Variants in CORO1C observed in about 807,000 individuals in gnomAD.
CORO1C encodes the protein coronin-1C.
In CORO1C, 14 loss-of-function variants were observed where a neutral mutation model predicts 51.2. The ratio of observed to expected loss-of-function variants is 0.27; its 90% CI spans 0.18 to 0.43. The LOEUF is 0.43. Ranked by LOEUF, CORO1C falls within the 20% of genes least tolerant of loss-of-function variation. The pLI, the probability that CORO1C is intolerant of heterozygous loss-of-function variation, is 1.00. For synonymous variants in CORO1C, 181 were observed against 210.5 expected (o/e 0.86, Z 1.21); for missense variants, 417 against 607.8 (o/e 0.69, Z 3.30).
chr12:108,684,810 A>C (rs2034242044), intron 2 of CORO1C, among the ~76,000 whole-genome samples: 1 of 152,192 alleles, frequency 6.6e-6, no homozygotes, highest in Admixed American at 6.5e-5. Context: ...TTTTGAAAAA[A>C]AGAATTTAAA....
chr12:108,697,252 A>G (rs890180237), intron 2 of CORO1C, among the ~76,000 whole-genome samples: 4 of 152,312 alleles, frequency 2.6e-5, no homozygotes, highest in African/African-American at 4.8e-5. Flanking sequence ...CAACGTGTAC[A>G]TATTCAGTAT....
At chr12:108,702,887 T>C (rs1436873533) in intron 1 of CORO1C, 1 of 1,535,960 alleles carries the variant, frequency 6.5e-7, no homozygotes. Context: ...CAATTGAGCA[T>C]CCACGTTCCT....
intron 3 of CORO1C, among the ~76,000 whole-genome samples, chr12:108,667,655 G>A (rs146151542): frequency 2.0e-5 from 3 of 152,244 alleles, no homozygotes; most frequent in Admixed American, 6.5e-5. Context: ...AGTGAGGCTC[G>A]GCGTTCAAGG....
chr12:108,652,516 C>T, intron 7 of CORO1C, 99 bp from the exon 8 acceptor site: 1 of 909,002 alleles, frequency 1.1e-6, no homozygotes, highest in South Asian at 1.6e-5. Context: ...GTAGTTGGGA[C>T]CCCGCTTCAG....
At chr12:108,723,829 A>G (rs1191306034) in intron 1 of CORO1C, among the ~76,000 whole-genome samples, 1 of 152,252 alleles carries the variant, frequency 6.6e-6, no homozygotes, top group East Asian at 1.9e-4. Flanking sequence ...TTTCAAATAC[A>G]GACGGCCTAC....
chr12:108,697,213 T>C (rs1442907177), intron 2 of CORO1C, among the ~76,000 whole-genome samples: 2 of 152,222 alleles, frequency 1.3e-5, no homozygotes, highest in East Asian at 1.9e-4. Flanking sequence ...TGGGAGCCTT[T>C]CTGAAAGGGT....
chr12:108,684,508 A>G (rs973226764), intron 2 of CORO1C, among the ~76,000 whole-genome samples: 2 of 152,228 alleles, frequency 1.3e-5, no homozygotes, highest in African/African-American at 4.8e-5. Context: ...CAAAAGCAGA[A>G]GCAATTTCAC....
chr12:108,695,071 A>T (rs1403571551), intron 2 of CORO1C, among the ~76,000 whole-genome samples: 1 of 152,200 alleles, frequency 6.6e-6, no homozygotes, highest in African/African-American at 2.4e-5. Context: ...TTTTCACGAG[A>T]TAGTGTCAGC....
intron 2 of CORO1C, among the ~76,000 whole-genome samples, chr12:108,679,100 ACT>A (rs1415081918): frequency 1.5e-5 from 2 of 133,220 alleles, no homozygotes; most frequent in South Asian, 2.5e-4. Context: ...ACAGAGAGAG[ACT>A]CTGTCTCAAA....
intron 2 of CORO1C, among the ~76,000 whole-genome samples, chr12:108,682,736 A>C (rs898210562): frequency 6.6e-6 from 1 of 152,208 alleles, no homozygotes; most frequent in African/African-American, 2.4e-5. Flanking sequence ...AACATACATT[A>C]AACATTAATT....
At chr12:108,669,750 T>C (rs1427487294) in intron 3 of CORO1C, among the ~76,000 whole-genome samples, 1 of 151,856 alleles carries the variant, frequency 6.6e-6, no homozygotes, top group Non-Finnish European at 1.5e-5. Context: ...AGTGTTCTTT[T>C]ACCTTCAGAA....
At chr12:108,660,210 G>A (rs138858188) in intron 4 of CORO1C, among the ~76,000 whole-genome samples, 1 of 152,334 alleles carries the variant, frequency 6.6e-6, no homozygotes, top group Non-Finnish European at 1.5e-5. Context: ...CCAGCACCCT[G>A]GGAGGCCGAG....
At chr12:108,671,043 A>C (rs2033696753) in intron 3 of CORO1C, among the ~76,000 whole-genome samples, 1 of 151,804 alleles carries the variant, frequency 6.6e-6, no homozygotes, top group Non-Finnish European at 1.5e-5. Context: ...TAAAAAAAAA[A>C]GGTTTAGGGC....
chr12:108,725,591 G>A (rs1052105897), intron 1 of CORO1C, among the ~76,000 whole-genome samples: 3 of 152,158 alleles, frequency 2.0e-5, no homozygotes, highest in African/African-American at 4.8e-5. Flanking sequence ...CACCCTCACG[G>A]CCTCAGTTCC....
At chr12:108,688,160 C>T (rs540927564) in intron 2 of CORO1C, among the ~76,000 whole-genome samples, 2 of 152,228 alleles carry the variant, frequency 1.3e-5, no homozygotes, top group African/African-American at 4.8e-5. Flanking sequence ...ATCTGCCCAC[C>T]TCAGCCTCCC....
intron 2 of CORO1C, among the ~76,000 whole-genome samples, chr12:108,690,748 G>A (rs1305326873): frequency 1.3e-5 from 2 of 152,086 alleles, no homozygotes; most frequent in East Asian, 3.9e-4. Context: ...TCTGGGCTGA[G>A]AACAAATAAA....
chr12:108,659,068 C>T, intron 4 of CORO1C, 149 bp from the exon 5 acceptor site: 1 of 800,924 alleles, frequency 1.2e-6, no homozygotes, highest in Non-Finnish European at 1.8e-6. Flanking sequence ...GGCTGATTGT[C>T]AGAGGCCCTA....
chr12:108,665,189 C>A (rs1335123259), intron 3 of CORO1C, among the ~76,000 whole-genome samples: 4 of 152,216 alleles, frequency 2.6e-5, no homozygotes, highest in Non-Finnish European at 5.9e-5. Context: ...GGGGACTTAA[C>A]CTTTTCCTTT....
chr12:108,719,564 C>T (rs1219028645), intron 1 of CORO1C, among the ~76,000 whole-genome samples: 1 of 152,114 alleles, frequency 6.6e-6, no homozygotes, highest in African/African-American at 2.4e-5. Context: ...ACATTAAATC[C>T]TTGGGGCTCC....
Sources: allele counts gnomAD v4.1 joint callset (sites outside exome capture counted in the v4.1 genomes callset), GRCh38; gene constraint gnomAD v4.1.1; transcripts MANE v1.5; gene names NCBI Gene and HGNC (gene_info 2026-07-23, HGNC 2026-07-21).